Variants in CRACD observed in about 807,000 individuals in gnomAD.
CRACD encodes capping protein-inhibiting regulator of actin dynamics.
A neutral mutation model predicts 106.8 loss-of-function variants in CRACD; 56 were observed. The observed-to-expected ratio is 0.52, with a 90% CI of 0.42 to 0.66. CRACD has a LOEUF of 0.66. Among genes scored for constraint, CRACD ranks in the 30% least tolerant of loss-of-function variants. The pLI is 0.00. For missense variants in CRACD, 1,730 were observed against 1,623.2 expected, an observed-to-expected ratio of 1.07 and a Z score of -1.13; for synonymous variants, 754 against 670.8, an observed-to-expected ratio of 1.12 and a Z score of -1.92.
chr4:56,070,244 C>T (rs1732592580), intron 1 of CRACD, among the ~76,000 whole-genome samples: 1 of 151,860 alleles, frequency 6.6e-6, no homozygotes, highest in South Asian at 2.1e-4. Flanking sequence ...GCCTTCTCCA[C>T]GTTGTGCTTT....
intron 1 of CRACD, among the ~76,000 whole-genome samples, chr4:56,107,907 AT>A (rs1734001501): frequency 6.6e-6 from 1 of 152,186 alleles, no homozygotes; most frequent in South Asian, 2.1e-4. Context: ...TGCTTACAAC[AT>A]TTTCATTTCC....
At chr4:56,322,031 A>G (rs1746136868) in intron 8 of CRACD, among the ~76,000 whole-genome samples, 1 of 152,212 alleles carries the variant, frequency 6.6e-6, no homozygotes, top group African/African-American at 2.4e-5. Flanking sequence ...GGACTACCAA[A>G]GTGTAAACTT....
intron 1 of CRACD, among the ~76,000 whole-genome samples, chr4:56,118,257 A>AC (rs1734362947): frequency 1.2e-4 from 2 of 17,360 alleles, no homozygotes; most frequent in Admixed American, 1.3e-3. Context: ...CATTTTGTAT[A>AC]TCCAAAGGCT....
chr4:56,082,987 A>G (rs1423904318), intron 1 of CRACD, among the ~76,000 whole-genome samples: 4 of 152,226 alleles, frequency 2.6e-5, no homozygotes, highest in African/African-American at 9.6e-5. Context: ...AGCTAAAAAG[A>G]GGAAATGCAG....
intron 1 of CRACD, among the ~76,000 whole-genome samples, chr4:56,056,508 A>C (rs535353513): frequency 1.1e-3 from 165 of 151,740 alleles, no homozygotes; most frequent in Non-Finnish European, 1.9e-3. Flanking sequence ...TATGGCTCAC[A>C]CCTGTAATCC....
At position 56,144,603 on chromosome 4, in the gene CRACD, T is replaced by C. The variant is rs532579630; in HGVS notation, c.-335-34681T>C. On this transcript the variant is annotated intron_variant, in intron 1 of 10. Coordinates refer to ENST00000682029, the MANE Select transcript of CRACD (RefSeq NM_001393381.1). The stretch of plus-strand genomic sequence containing the variant: ...TTTCTACCTCTTTCTGAAAACATTT[T>C]GGTAAGGCATATTTTTCTTAAAAAT... 3.3e-5 allele frequency among the ~76,000 whole-genome samples: 5 copies of C among 152,298 alleles called. No homozygotes were observed. The East Asian group carries it at 9.6e-4, about 29-fold the overall frequency.
intron 1 of CRACD, among the ~76,000 whole-genome samples, chr4:56,143,422 C>G (rs749728211): frequency 6.6e-6 from 1 of 151,956 alleles, no homozygotes; most frequent in Non-Finnish European, 1.5e-5. Flanking sequence ...TAGCATTTTT[C>G]ACAGGTCTTC....
At chr4:56,066,217 C>T (rs1335691028) in intron 1 of CRACD, among the ~76,000 whole-genome samples, 5 of 152,036 alleles carry the variant, frequency 3.3e-5, no homozygotes, top group Middle Eastern at 3.2e-3. Context: ...TCCGTAACAC[C>T]CCCAGGCAGC....
chr4:56,304,705 C>T (rs190403436), intron 4 of CRACD, among the ~76,000 whole-genome samples: 1 of 152,130 alleles, frequency 6.6e-6, no homozygotes, highest in East Asian at 1.9e-4. Flanking sequence ...TTCCTTGAGC[C>T]CAGGAGTTTG....
At chr4:56,054,920 G>A (rs182663656) in intron 1 of CRACD, among the ~76,000 whole-genome samples, 2 of 152,250 alleles carry the variant, frequency 1.3e-5, no homozygotes, top group East Asian at 1.9e-4. Flanking sequence ...TTCAAGTGGC[G>A]TACTTAGGGG....
At chr4:56,146,568 CCT>C (rs1162049820) in intron 1 of CRACD, among the ~76,000 whole-genome samples, 3 of 145,332 alleles carry the variant, frequency 2.1e-5, no homozygotes, top group African/African-American at 7.6e-5. Context: ...ATCCCTCCCC[CCT>C]CCCCCCACCG....
intron 10 of CRACD, 122 bp from the exon 11 acceptor site, chr4:56,327,522 G>A (rs1390957305): frequency 4.7e-6 from 4 of 842,648 alleles, no homozygotes; most frequent in Non-Finnish European, 7.5e-6. Flanking sequence ...TCAAAACAAT[G>A]TTGTACATGA....
chr4:56,210,351 A>G (rs1364281519), intron 2 of CRACD, among the ~76,000 whole-genome samples: 39 of 152,360 alleles, frequency 2.6e-4, no homozygotes, highest in Admixed American at 2.4e-3. Flanking sequence ...AACTAGCTAT[A>G]TTTACCACAT....
chr4:56,196,307 G>A (rs1425367521), intron 2 of CRACD: 1 of 152,802 alleles, frequency 6.5e-6, no homozygotes, highest in Admixed American at 6.5e-5. Flanking sequence ...CATAAGCTTT[G>A]TGCTCATAGA....
chr4:56,102,184 A>G (rs1205750114), intron 1 of CRACD, among the ~76,000 whole-genome samples: 2 of 152,108 alleles, frequency 1.3e-5, no homozygotes, highest in African/African-American at 2.4e-5. Context: ...GATTATACCC[A>G]TTTACACTCC....
At chr4:56,143,314 G>A (rs1005760833) in intron 1 of CRACD, among the ~76,000 whole-genome samples, 6 of 151,942 alleles carry the variant, frequency 3.9e-5, no homozygotes, top group Non-Finnish European at 5.9e-5. Context: ...GTAGATAATC[G>A]TGAGCTGAAA....
chr4:56,289,804 C>T (rs929368472), intron 3 of CRACD, among the ~76,000 whole-genome samples: 1 of 152,130 alleles, frequency 6.6e-6, no homozygotes, highest in Admixed American at 6.5e-5. Flanking sequence ...TAGCAGCCAC[C>T]ATTCATATAA....
intron 1 of CRACD, among the ~76,000 whole-genome samples, chr4:56,092,763 G>A (rs1367234844): frequency 1.3e-5 from 2 of 151,740 alleles, no homozygotes; most frequent in Non-Finnish European, 2.9e-5. Flanking sequence ...TACCACACCC[G>A]GCTAATTTTT....
At chr4:56,160,992 A>G (rs1735931751) in intron 1 of CRACD, among the ~76,000 whole-genome samples, 1 of 152,250 alleles carries the variant, frequency 6.6e-6, no homozygotes, top group African/African-American at 2.4e-5. Context: ...CAAAGGTTTT[A>G]TCTGGGCGTT....
Sources: gnomAD v4.1 joint callset for allele counts (sites outside exome capture counted in the v4.1 genomes callset) on GRCh38, gnomAD v4.1.1 for gene constraint, MANE v1.5 for transcripts, NCBI Gene and HGNC (gene_info 2026-07-23, HGNC 2026-07-21) for gene names.